Variants in FRMPD4 observed in about 807,000 individuals in gnomAD.
FRMPD4 encodes FERM and PDZ domain-containing protein 4.
A neutral mutation model predicts 94.1 loss-of-function variants in FRMPD4; 22 were observed. The ratio of observed to expected loss-of-function variants is 0.23; its 90% CI spans 0.17 to 0.33. The LOEUF is 0.33. Among genes scored for constraint, FRMPD4 ranks in the 10% least tolerant of loss-of-function variants. FRMPD4 has a pLI of 1.00. For synonymous variants in FRMPD4, 631 were observed against 548.6 expected, an observed-to-expected ratio of 1.15 and a Z score of -2.10; for missense variants, 1,111 against 1,339.9, an observed-to-expected ratio of 0.83 and a Z score of 2.67.
chrX:12,178,367 T>A (rs1321222671), intron 1 of FRMPD4, among the ~76,000 whole-genome samples: 1 of 111,929 alleles, frequency 8.9e-6, no homozygotes, highest in Non-Finnish European at 1.9e-5. Flanking sequence ...TTTTAAAAAA[T>A]TAATTGATTT....
intron 2 of FRMPD4, among the ~76,000 whole-genome samples, chrX:12,572,070 T>A (rs952936276): frequency 8.9e-6 from 1 of 112,341 alleles, no homozygotes; most frequent in African/African-American, 3.2e-5. Flanking sequence ...TTCAAAATAC[T>A]CCTACCCAAA....
upstream of FRMPD4, among the ~76,000 whole-genome samples, chrX:12,134,395 AC>A (rs1410346129): frequency 3.6e-5 from 4 of 112,485 alleles, no homozygotes; most frequent in Non-Finnish European, 7.5e-5. Flanking sequence ...GGTGCCTGGT[AC>A]ATGGGAGACA....
At chrX:12,130,050 G>A (rs1381935160) in intron 3 of FRMPD4, among the ~76,000 whole-genome samples, 2 of 107,487 alleles carry the variant, frequency 1.9e-5, no homozygotes, top group Admixed American at 1.0e-4. Context: ...TCAGCTGCAA[G>A]TAACAAAATA....
At chrX:11,853,624 T>A (rs756947098) in intron 1 of FRMPD4, among the ~76,000 whole-genome samples, 2 of 109,825 alleles carry the variant, frequency 1.8e-5, no homozygotes, top group African/African-American at 3.3e-5. Context: ...ACTAGAAAAA[T>A]TAGAAAAAAT....
intron 3 of FRMPD4, among the ~76,000 whole-genome samples, chrX:12,106,041 A>G (rs1323913409): frequency 8.9e-6 from 1 of 111,943 alleles, no homozygotes; most frequent in Non-Finnish European, 1.9e-5. Flanking sequence ...CTTCACCACC[A>G]CTACTACTTT....
At chrX:12,224,828 T>A (rs767057949) in intron 1 of FRMPD4, among the ~76,000 whole-genome samples, 33 of 111,864 alleles carry the variant, frequency 3.0e-4, no homozygotes, top group African/African-American at 1.1e-3. Flanking sequence ...TGAATATATA[T>A]GAATAATATT....
At chrX:11,943,631 C>T (rs1290180197) in intron 3 of FRMPD4, among the ~76,000 whole-genome samples, 1 of 111,353 alleles carries the variant, frequency 9.0e-6, no homozygotes, top group Non-Finnish European at 1.9e-5. Context: ...GAAGGGTCCA[C>T]CATCAGGACC....
At chrX:12,097,486 T>G (rs2055216414) in intron 3 of FRMPD4, among the ~76,000 whole-genome samples, 1 of 112,517 alleles carries the variant, frequency 8.9e-6, no homozygotes, top group Non-Finnish European at 1.9e-5. Context: ...ACAAACTTGT[T>G]CAGCCATCAC....
intron 1 of FRMPD4, among the ~76,000 whole-genome samples, chrX:11,848,505 C>G (rs1291735898): frequency 9.5e-6 from 1 of 105,574 alleles, no homozygotes; most frequent in Non-Finnish European, 2.0e-5. Flanking sequence ...TCTTCCCCAG[C>G]CTGTGTTTTT....
intron 1 of FRMPD4, among the ~76,000 whole-genome samples, chrX:12,476,220 TG>T (rs1304046829): frequency 5.4e-5 from 6 of 112,127 alleles, no homozygotes; most frequent in African/African-American, 1.9e-4. Flanking sequence ...GGGAAAGGAC[TG>T]CCTATTTAAT....
At position 12,170,709 on chromosome X, in the gene FRMPD4, G is replaced by A. The variant is rs773235251; in HGVS notation, c.41+31697G>A. ...AGACTGATTGCAGTGCTGCTTGGTGGCAACTCCCGCGACTCCAGCAGCTTG... is the reference window on the plus strand; with the variant it reads ...AGACTGATTGCAGTGCTGCTTGGTGACAACTCCCGCGACTCCAGCAGCTTG... On this transcript the variant is annotated intron_variant, in intron 1 of 16. Transcript: ENST00000675598. Among the ~76,000 whole-genome samples, 7 of 59,565 alleles carry A rather than the reference G, an allele frequency of 1.2e-4. No homozygotes were observed. In the East Asian group the frequency reaches 8.8e-3, roughly 75 times the overall value. 51.7% of individuals were successfully genotyped at this position (59,565 alleles called of 115,157 possible).
chrX:12,252,121 G>A (rs2054048933), intron 1 of FRMPD4, among the ~76,000 whole-genome samples: 1 of 112,100 alleles, frequency 8.9e-6, no homozygotes, highest in Non-Finnish European at 1.9e-5. Flanking sequence ...AGATGGAGCA[G>A]CTATAGGTGT....
At chrX:12,056,878 T>C (rs745475004) in intron 3 of FRMPD4, among the ~76,000 whole-genome samples, 1 of 112,043 alleles carries the variant, frequency 8.9e-6, no homozygotes, top group African/African-American at 3.2e-5. Flanking sequence ...AATAATGCTG[T>C]AATGTTTATT....
intron 3 of FRMPD4, among the ~76,000 whole-genome samples, chrX:11,952,311 G>T (rs1386220557): frequency 8.9e-6 from 1 of 112,118 alleles, no homozygotes; most frequent in African/African-American, 3.2e-5. Context: ...GGCTAAGTTT[G>T]GTGCTTTTAT....
chrX:12,044,527 G>A (rs2147445808), intron 3 of FRMPD4, among the ~76,000 whole-genome samples: 1 of 112,021 alleles, frequency 8.9e-6, no homozygotes, highest in East Asian at 2.8e-4. Flanking sequence ...AAGTAAGTTC[G>A]GATGACAGAA....
chrX:12,118,388 C>G (rs1355115111), intron 3 of FRMPD4, among the ~76,000 whole-genome samples: 1 of 112,058 alleles, frequency 8.9e-6, no homozygotes, highest in African/African-American at 3.2e-5. Flanking sequence ...TTTTTTATAC[C>G]AAATTGCTAA....
At chrX:11,847,549 T>C (rs1016937092) in intron 1 of FRMPD4, among the ~76,000 whole-genome samples, 2 of 108,271 alleles carry the variant, frequency 1.8e-5, no homozygotes, top group Admixed American at 9.9e-5. Flanking sequence ...CCCAAAGGAC[T>C]ATAAATCATG....
intron 3 of FRMPD4, among the ~76,000 whole-genome samples, chrX:12,078,223 G>A (rs1170782987): frequency 8.9e-6 from 1 of 112,382 alleles, no homozygotes; most frequent in Non-Finnish European, 1.9e-5. Flanking sequence ...CAACATGATA[G>A]CTCACTTCTT....
intron 1 of FRMPD4, among the ~76,000 whole-genome samples, chrX:11,846,479 C>T (rs1350027160): frequency 6.4e-5 from 7 of 109,755 alleles, no homozygotes; most frequent in Non-Finnish European, 7.6e-5. Flanking sequence ...AGATTCAATG[C>T]CATCCCCATC....
Sources: gnomAD v4.1 joint callset for allele counts (sites outside exome capture counted in the v4.1 genomes callset) on GRCh38, gnomAD v4.1.1 for gene constraint, MANE v1.5 for transcripts, NCBI Gene and HGNC (gene_info 2026-07-23, HGNC 2026-07-21) for gene names.